TNRC6A: variants seen among roughly 807,000 people sequenced by gnomAD.
TNRC6A encodes the protein trinucleotide repeat containing adaptor 6A.
Under a neutral mutation model 221.2 loss-of-function variants are expected in TNRC6A, and 44 were observed. The ratio of observed to expected loss-of-function variants is 0.20; its 90% CI spans 0.16 to 0.26. The LOEUF is 0.26. TNRC6A is among the 10% of genes least tolerant of loss of function. The pLI is 1.00. For synonymous variants in TNRC6A, 847 were observed against 838.5 expected (o/e 1.01, Z -0.18); for missense variants, 2,199 against 2,404.4 (o/e 0.91, Z 1.79).
intron 2 of TNRC6A, among the ~76,000 whole-genome samples, chr16:24,674,267 T>A (rs2055363295): frequency 2.0e-5 from 3 of 152,036 alleles, no homozygotes. Context: ...AAGGTCTCGA[T>A]GTGTTGCCCA....
intron 2 of TNRC6A, among the ~76,000 whole-genome samples, chr16:24,675,536 C>T (rs1388100335): frequency 6.6e-6 from 1 of 151,358 alleles, no homozygotes; most frequent in Non-Finnish European, 1.5e-5. Flanking sequence ...AAAAAATTAG[C>T]TGGGCATGGT....
At chr16:24,730,405 C>A in intron 2 of TNRC6A, 105 bp downstream of exon 2, 1 of 1,366,568 alleles carries the variant, frequency 7.3e-7, no homozygotes, top group Non-Finnish European at 1.0e-6. Context: ...TTTTCTTCCG[C>A]ACCCGGAGAG....
At chr16:24,795,021 A>G (rs2058189657) in intron 8 of TNRC6A, among the ~76,000 whole-genome samples, 2 of 151,910 alleles carry the variant, frequency 1.3e-5, no homozygotes, top group South Asian at 4.2e-4. Context: ...AGGAGGGCAA[A>G]TCTCCATGTT....
intron 2 of TNRC6A, among the ~76,000 whole-genome samples, chr16:24,713,433 C>T (rs1447885242): frequency 6.8e-5 from 9 of 131,742 alleles, no homozygotes; most frequent in African/African-American, 2.6e-4. Context: ...AACAAACAAA[C>T]AAACAAACAA....
intron 23 of TNRC6A, 40 bp downstream of exon 23, chr16:24,822,187 G>A: frequency 1.9e-6 from 3 of 1,598,092 alleles, no homozygotes; most frequent in Non-Finnish European, 2.6e-6. Flanking sequence ...GGCTACGCCA[G>A]GGAGCATGGG....
chr16:24,610,717 G>A (rs1900007151), intron 1 of TNRC6A, among the ~76,000 whole-genome samples: 1 of 152,024 alleles, frequency 6.6e-6, no homozygotes, highest in Non-Finnish European at 1.5e-5. Flanking sequence ...TCCCTTCCCA[G>A]CCCATCTTAT....
At chr16:24,613,017 C>T (rs1018543982) in intron 1 of TNRC6A, among the ~76,000 whole-genome samples, 6 of 145,624 alleles carry the variant, frequency 4.1e-5, no homozygotes, top group Admixed American at 1.5e-4. Context: ...GAGACTGAGG[C>T]AGGAGAATTG....
At chr16:24,748,853 C>G (rs564489629) in intron 2 of TNRC6A, among the ~76,000 whole-genome samples, 3 of 152,216 alleles carry the variant, frequency 2.0e-5, no homozygotes, top group Admixed American at 6.5e-5. Context: ...TAGTTCATAT[C>G]TCCAAATCTC....
intron 4 of TNRC6A, among the ~76,000 whole-genome samples, chr16:24,763,748 C>T (rs1328980618): frequency 1.3e-5 from 2 of 152,186 alleles, no homozygotes; most frequent in African/African-American, 4.8e-5. Context: ...CCTGTTCCCA[C>T]TGCACTTCCA....
intron 3 of TNRC6A, among the ~76,000 whole-genome samples, chr16:24,754,018 T>C (rs1418478206): frequency 6.6e-6 from 1 of 152,212 alleles, no homozygotes; most frequent in Non-Finnish European, 1.5e-5. Flanking sequence ...TACTTTGCTT[T>C]ATTTTTTGTC....
intron 2 of TNRC6A, among the ~76,000 whole-genome samples, chr16:24,701,882 TC>T (rs1256003284): frequency 6.6e-6 from 1 of 152,106 alleles, no homozygotes. Context: ...GGTTAATTCT[TC>T]CACATGGACT....
At chr16:24,805,848 C>T in intron 15 of TNRC6A, 115 bp downstream of exon 15, 1 of 1,326,718 alleles carries the variant, frequency 7.5e-7, no homozygotes, top group Non-Finnish European at 1.1e-6. Context: ...AGTCATAGTC[C>T]TCATGGAGCT....
At chr16:24,621,732 T>A (rs930959309) in intron 1 of TNRC6A, among the ~76,000 whole-genome samples, 2 of 152,200 alleles carry the variant, frequency 1.3e-5, no homozygotes, top group African/African-American at 4.8e-5. Context: ...GTTACTATTA[T>A]GTTATGGCTC....
intron 2 of TNRC6A, among the ~76,000 whole-genome samples, chr16:24,719,192 C>G (rs1020990733): frequency 6.6e-6 from 1 of 152,012 alleles, no homozygotes; most frequent in African/African-American, 2.4e-5. Context: ...ATGGCCTTTG[C>G]TCTCCTGGCG....
Position 24,750,079 on chromosome 16 carries a change from G to A in TNRC6A, c.54-647G>A, listed in dbSNP as rs185961880. ...CACTTGAACTCGGGAGGTGGAGGCT[G>A]CAGTGAGCAGAGATCATGCCACTGC... On this transcript the variant is annotated intron_variant, in intron 2 of 24. Transcript: ENST00000395799. Among the ~76,000 whole-genome samples, 9 of 152,322 alleles carry A rather than the reference G, an allele frequency of 5.9e-5. No individual in the cohort carries two copies. In the East Asian group the frequency reaches 9.6e-4, roughly 16 times the overall value.
In TNRC6A at chr16:24,823,602, C is replaced by G; in HGVS notation, c.5684C>G (p.Thr1895Ser). The G allele has an allele frequency of 6.2e-7, 1 of 1,614,148 alleles. No individual in the cohort carries two copies. Among genetic ancestry groups the G allele is most frequent in the Non-Finnish European group, 8.5e-7 (1 of 1,180,012 alleles). Residue 1895 changes from threonine to serine, a missense_variant, in exon 25 of 25, where the codon ACC becomes AGC. By Grantham distance (58) the Thr-to-Ser change is moderately conservative. This residue lies in a region of TNRC6A where 130 missense variants were observed against 121.7 expected (regional missense o/e 1.07). Coordinates refer to ENST00000395799, the MANE Select transcript of TNRC6A (RefSeq NM_014494.4). The surrounding 1 kb of genome is among the most constrained non-coding windows in gnomAD (Gnocchi z 4.3). ...LDCSHSFSSRTDLNHWNGAGL... is the reference protein window; with the variant it reads ...LDCSHSFSSRSDLNHWNGAGL... ...TGTTCCCACTCATTCTCCAGCCGGA[C>G]CGATCTCAATCACTGGAATGGTGCT...
chr16:24,777,400 A>G (rs752128169), intron 5 of TNRC6A, 42 bp downstream of exon 5: 3 of 1,559,858 alleles, frequency 1.9e-6, no homozygotes, highest in South Asian at 1.2e-5. Context: ...CCTTATCATC[A>G]TTAGCTGTAT....
At chr16:24,623,343 C>T (rs1052289378) in intron 1 of TNRC6A, among the ~76,000 whole-genome samples, 1 of 152,058 alleles carries the variant, frequency 6.6e-6, no homozygotes. Context: ...GGACTACAGG[C>T]GCCCGCTGCC....
chr16:24,730,372 G>A (rs2056602453), intron 2 of TNRC6A, 72 bp downstream of exon 2: 1 of 1,536,382 alleles, frequency 6.5e-7, no homozygotes, highest in South Asian at 1.2e-5. Flanking sequence ...GCCTTTTCTG[G>A]GTTGAGAAGT....
Sources: allele counts gnomAD v4.1 joint callset (sites outside exome capture counted in the v4.1 genomes callset), GRCh38; gene constraint gnomAD v4.1.1; regional missense constraint gnomAD v4.1.1; non-coding constraint Gnocchi (gnomAD v3.1); transcripts MANE v1.5; gene names NCBI Gene and HGNC (gene_info 2026-07-23, HGNC 2026-07-21).